The following MYH11 variants were observed in gnomAD, a reference collection of about 807,000 sequenced individuals.
MYH11 encodes the protein myosin-11.
A neutral mutation model predicts 246.6 loss-of-function variants in MYH11; 80 were observed. That is an observed-to-expected ratio of 0.32 (90% CI 0.27 to 0.39). The LOEUF (loss-of-function observed/expected upper bound fraction) is 0.39. MYH11 is among the 10% of genes least tolerant of loss of function. The probability of loss-of-function intolerance (pLI) is 1.00; values close to 1 mark genes in which losing one functional copy is unlikely to be tolerated. For missense variants in MYH11, 2,158 were observed against 2,546.8 expected (o/e 0.85, Z 3.29); for synonymous variants, 1,071 against 1,015.5 (o/e 1.05, Z -1.04).
At chr16:15,778,671 C>T in intron 7 of MYH11, 109 bp downstream of exon 7, 1 of 1,104,518 alleles carries the variant, frequency 9.1e-7, no homozygotes, top group Non-Finnish European at 1.4e-6. Context: ...CTGGAAGAAA[C>T]CTAAGAGGCT....
chr16:15,756,212 T>G (rs1338239163), intron 14 of MYH11, 129 bp downstream of exon 14: 2 of 1,019,496 alleles, frequency 2.0e-6, no homozygotes, highest in African/African-American at 3.2e-5. Flanking sequence ...TTGGTTGGGA[T>G]TCGCTTAGCA....
intron 15 of MYH11, among the ~76,000 whole-genome samples, chr16:15,751,774 G>A (rs958953196): frequency 6.6e-5 from 10 of 151,024 alleles, no homozygotes; most frequent in Admixed American, 3.3e-4. Context: ...CAGCACACCC[G>A]GCTAATTTTG....
At chr16:15,718,088 C>A (rs112757995) in intron 37 of MYH11, 2 of 670,004 alleles carry the variant, frequency 3.0e-6, no homozygotes, top group Non-Finnish European at 2.5e-6. Flanking sequence ...CCAGCCACGC[C>A]GTGGCTGGAA....
chr16:15,822,499 T>C (rs2151358683), intron 3 of MYH11, among the ~76,000 whole-genome samples: 1 of 152,074 alleles, frequency 6.6e-6, no homozygotes, highest in East Asian at 1.9e-4. Context: ...TATAGCAAGA[T>C]CCTGTCACTT....
rs74378779 is a variant in MYH11, at chr16:15,789,481, A to T, written c.531-2749T>A. Among the ~76,000 whole-genome samples, 911 of 152,292 alleles carry T rather than the reference A, an allele frequency of 6.0e-3. 11 individuals carry two copies. The highest frequency in any genetic ancestry group is 0.021 in the African/African-American group (865 of 41,546). On this transcript the variant is annotated intron_variant, in intron 4 of 40. Transcript: ENST00000300036. ...AGCCCACAATTGCTCCTGCTTTCACACAGATAGGAAATGGAGGAGAAGCAG... is the reference window on the plus strand; with the variant it reads ...AGCCCACAATTGCTCCTGCTTTCACTCAGATAGGAAATGGAGGAGAAGCAG...
intron 2 of MYH11, among the ~76,000 whole-genome samples, chr16:15,828,882 A>G (rs2043648154): frequency 6.6e-6 from 1 of 151,778 alleles, no homozygotes; most frequent in Admixed American, 6.6e-5. Context: ...AATAAAAGGA[A>G]TTTTTAAAAA....
chr16:15,766,350 T>G (rs948778977), intron 9 of MYH11, among the ~76,000 whole-genome samples: 2 of 116,592 alleles, frequency 1.7e-5, no homozygotes, highest in African/African-American at 7.1e-5. Flanking sequence ...TTTTGGTGTG[T>G]GTGTGTGTGT....
At chr16:15,845,281 T>C (rs879476831) in intron 1 of MYH11, among the ~76,000 whole-genome samples, 1 of 145,198 alleles carries the variant, frequency 6.9e-6, no homozygotes, top group Non-Finnish European at 1.5e-5. Context: ...CTTAAAACAG[T>C]ATGATATTTT....
chr16:15,791,506 T>A (rs1329366573), intron 4 of MYH11: 1 of 152,134 alleles, frequency 6.6e-6, no homozygotes, highest in African/African-American at 2.4e-5. Context: ...CCCTATAGCA[T>A]CAATTGGCAG....
chr16:15,798,618 A>C lies in MYH11; in HGVS notation c.530+42T>G, dbSNP rs201832399. 154 of 1,532,060 alleles carry C rather than the reference A, an allele frequency of 1.0e-4. 2 individuals are homozygous for C. The highest frequency in any genetic ancestry group is 1.8e-4 in the Middle Eastern group (1 of 5,586). 94.9% of individuals were successfully genotyped at this position (1,532,060 alleles called of 1,614,324 possible). A position where few individuals can be genotyped will look rare whatever the true frequency, so the allele number is the denominator to read the frequency against. On this transcript the variant is annotated intron_variant, in intron 4 of 40. Transcript: ENST00000300036. The stretch of plus-strand genomic sequence containing the variant: ...ATCTCGACTACAGATTAAAAAAAAA[A>C]AAAAACAAAAAAAAAACAGAAGAAA...
At chr16:15,818,487 C>T (rs2043317756) in intron 3 of MYH11, among the ~76,000 whole-genome samples, 1 of 152,090 alleles carries the variant, frequency 6.6e-6, no homozygotes, top group African/African-American at 2.4e-5. Flanking sequence ...GGCTAGAGTG[C>T]AGTGGCGTGA....
chr16:15,821,813 G>A (rs1472799646), intron 3 of MYH11, among the ~76,000 whole-genome samples: 1 of 135,518 alleles, frequency 7.4e-6, no homozygotes, highest in Non-Finnish European at 1.6e-5. Flanking sequence ...AGCTACTCGG[G>A]AGGCTGAGGC....
chr16:15,830,546 G>A (rs956924156), intron 2 of MYH11, among the ~76,000 whole-genome samples: 1 of 152,266 alleles, frequency 6.6e-6, no homozygotes, highest in East Asian at 1.9e-4. Flanking sequence ...TTTTGGAGGG[G>A]TGCAGGAGGG....
At chr16:15,752,220 C>T (rs2041592361) in intron 15 of MYH11, among the ~76,000 whole-genome samples, 2 of 152,008 alleles carry the variant, frequency 1.3e-5, no homozygotes, top group Non-Finnish European at 2.9e-5. Flanking sequence ...CGATGTTGTT[C>T]CCTAGGCCCA....
rs1243698832 is a variant in MYH11 at position 15,748,156 on chromosome 16, C to A, written c.2071G>T (p.Asp691Tyr). The change falls in exon 17 of 41, where the codon GAT becomes TAT. Residue 691 changes from aspartate (D) to tyrosine (Y), a missense_variant. Asp to Tyr is a radical substitution (Grantham distance 160, BLOSUM62 -3). Transcript: ENST00000300036. Reference sequence around the variant, plus strand: ...AGCTGCTCCAGCACCAGGAACGCATCCAGCTTGCCGGACTGCAAAGGTCAA... The same window carrying A: ...AGCTGCTCCAGCACCAGGAACGCATACAGCTTGCCGGACTGCAAAGGTCAA... ...PNHEKRSGKL[D>Y]AFLVLEQLRC... 1 of 1,613,878 alleles carries A rather than the reference C, an allele frequency of 6.2e-7. No individual in the cohort carries two copies. Among genetic ancestry groups the A allele is most frequent in the South Asian group, 1.1e-5 (1 of 91,092 alleles).
intron 25 of MYH11, among the ~76,000 whole-genome samples, chr16:15,736,031 C>A (rs969249245): frequency 4.6e-5 from 7 of 152,224 alleles, no homozygotes; most frequent in Non-Finnish European, 7.3e-5. Flanking sequence ...GATATTCAGA[C>A]TGGGGCTCTG....
At chr16:15,747,377 C>T (rs999908907) in intron 19 of MYH11, among the ~76,000 whole-genome samples, 193 bp downstream of exon 19, 7 of 152,140 alleles carry the variant, frequency 4.6e-5, no homozygotes, top group African/African-American at 1.7e-4. Context: ...GTCTAAAACT[C>T]GTTCCCTTCC....
At chr16:15,712,130 C>T (rs1567679221) in intron 40 of MYH11, among the ~76,000 whole-genome samples, 2 of 152,190 alleles carry the variant, frequency 1.3e-5, no homozygotes, top group South Asian at 2.1e-4. Flanking sequence ...AGCTGCTGAG[C>T]TGGAGAGAGG....
At position 15,776,141 on chromosome 16, in the gene MYH11, T is replaced by C; in HGVS notation, c.826A>G (p.Arg276Gly). 1 of 1,614,172 alleles carries C rather than the reference T, an allele frequency of 6.2e-7. No individual in the cohort carries two copies. Reference protein sequence around the residue: ...LEKSRAIRQARDERTFHIFYY... With the variant: ...LEKSRAIRQAGDERTFHIFYY... ...AAGATGTGGAATGTCCTCTCGTCTC[T>C]GGCTTGGCGAATTGCCCGTGATTTT... is the stretch of plus-strand genomic sequence containing the variant. The change falls in exon 8 of 41, where the codon AGA becomes GGA. Residue 276 changes from arginine (R) to glycine (G), a missense_variant. By Grantham distance (125) the Arg-to-Gly change is moderately radical. Transcript: ENST00000300036.
Sources: gnomAD v4.1 joint callset for allele counts (sites outside exome capture counted in the v4.1 genomes callset) on GRCh38, gnomAD v4.1.1 for gene constraint, MANE v1.5 for transcripts, NCBI Gene and HGNC (gene_info 2026-07-23, HGNC 2026-07-21) for gene names.